Variants in MTSS1 observed in about 807,000 individuals in gnomAD.
The protein encoded by MTSS1 is MTSS I-BAR domain containing 1.
In MTSS1, 18 loss-of-function variants were observed where a neutral mutation model predicts 79.0. That is an observed-to-expected ratio of 0.23 (90% CI 0.16 to 0.34). MTSS1 has a LOEUF of 0.34. Among genes scored for constraint, MTSS1 ranks in the 10% least tolerant of loss-of-function variants. MTSS1 has a pLI of 1.00. For synonymous variants in MTSS1, 341 were observed against 368.6 expected (o/e 0.93, Z 0.86); for missense variants, 815 against 986.2 (o/e 0.83, Z 2.33).
intron 3 of MTSS1, among the ~76,000 whole-genome samples, chr8:124,662,072 A>G (rs141823767): frequency 0.023 from 3,536 of 152,270 alleles, 55 homozygotes; most frequent in South Asian, 0.072. Context: ...CTTTAGCCTG[A>G]AAGTTAATGG....
chr8:124,561,529 C>T (rs3763542), intron 10 of MTSS1, among the ~76,000 whole-genome samples: 59,364 of 152,048 alleles, frequency 0.39, 11,980 homozygotes, highest in Middle Eastern at 0.45. Context: ...TGCTTCCCTC[C>T]ATGCCATGGG....
intron 3 of MTSS1, among the ~76,000 whole-genome samples, chr8:124,650,276 G>A (rs1819717459): frequency 2.0e-5 from 3 of 152,116 alleles, no homozygotes; most frequent in Non-Finnish European, 4.4e-5. Flanking sequence ...TGATCTGCTT[G>A]CCTCGGCCTC....
chr8:124,701,255 A>G (rs1829657478), intron 2 of MTSS1, among the ~76,000 whole-genome samples: 1 of 152,182 alleles, frequency 6.6e-6, no homozygotes, highest in Non-Finnish European at 1.5e-5. Flanking sequence ...AGAGAAAAGA[A>G]AAAAGAAAGA....
At position 124,645,620 on chromosome 8, in the gene MTSS1, C is replaced by CT. The variant is rs147500690; in HGVS notation, c.208+53905dup. Among the ~76,000 whole-genome samples, 1,296 of 152,204 alleles carry CT rather than the reference C, an allele frequency of 8.5e-3. 18 individuals are homozygous for CT. The highest frequency in any genetic ancestry group is 0.03 in the African/African-American group (1,243 of 41,534). On this transcript the variant is annotated intron_variant, in intron 3 of 13. Coordinates refer to ENST00000518547, the MANE Select transcript of MTSS1 (RefSeq NM_014751.6). ...GCACACCAGTTTACCAAGCTTTTCT[C>CT]TTTTTTCTGTTCTTTGAACTACTGT... is the stretch of plus-strand genomic sequence containing the variant.
chr8:124,648,712 C>CCCCG (rs1228321491), intron 3 of MTSS1, among the ~76,000 whole-genome samples: 2 of 151,326 alleles, frequency 1.3e-5, no homozygotes, highest in Non-Finnish European at 2.9e-5. Flanking sequence ...AATAGCAGCC[C>CCCCG]CCCCCCAGAT....
chr8:124,700,730 C>T (rs746614503), intron 2 of MTSS1, among the ~76,000 whole-genome samples: 15 of 152,128 alleles, frequency 9.9e-5, no homozygotes, highest in Non-Finnish European at 2.1e-4. Context: ...CATCATTCAG[C>T]GTAGTCAACA....
At chr8:124,606,306 G>A (rs930504186) in intron 3 of MTSS1, among the ~76,000 whole-genome samples, 6 of 150,866 alleles carry the variant, frequency 4.0e-5, no homozygotes, top group Non-Finnish European at 5.9e-5. Context: ...CCACAACTAC[G>A]CCCAGCTAAT....
At chr8:124,666,078 C>A (rs1259786253) in intron 3 of MTSS1, among the ~76,000 whole-genome samples, 3 of 152,200 alleles carry the variant, frequency 2.0e-5, no homozygotes, top group African/African-American at 7.2e-5. Flanking sequence ...CTCATTAGCA[C>A]CCAGCACACA....
rs191225960 is a variant in MTSS1, at chr8:124,551,121, A to G, written c.*1871T>C. On this transcript the variant is annotated 3_prime_UTR_variant, in exon 14 of 14. Transcript: ENST00000518547. ...AAAAACTAAACAAGTGAAAAGCTGT[A>G]CCAAGGTACAGTTACATCCATTTAT... 2.9e-3 allele frequency: 444 copies of G among 152,748 alleles called. 2 individuals are homozygous for G. Among genetic ancestry groups the G allele is most frequent in the Non-Finnish European group, 3.1e-3 (213 of 68,038 alleles). 9.5% of individuals were successfully genotyped at this position (152,748 alleles called of 1,614,324 possible).
intron 6 of MTSS1, among the ~76,000 whole-genome samples, chr8:124,577,353 G>A (rs144878620): frequency 1.3e-5 from 2 of 152,296 alleles, no homozygotes; most frequent in African/African-American, 2.4e-5. Context: ...AGGTTTAAGC[G>A]ATTCTTCTGC....
At chr8:124,712,458 C>G (rs888069474) in intron 1 of MTSS1, among the ~76,000 whole-genome samples, 5 of 152,180 alleles carry the variant, frequency 3.3e-5, no homozygotes, top group African/African-American at 7.2e-5. Flanking sequence ...AAGCATGAGG[C>G]AAGAATCCGC....
At chr8:124,557,013 C>T (rs984111190) in intron 11 of MTSS1, among the ~76,000 whole-genome samples, 2 of 152,224 alleles carry the variant, frequency 1.3e-5, no homozygotes, top group African/African-American at 2.4e-5. Context: ...AGCCAAGGGG[C>T]CTACTTTTCA....
At chr8:124,654,822 G>A (rs982415315) in intron 3 of MTSS1, among the ~76,000 whole-genome samples, 1 of 152,096 alleles carries the variant, frequency 6.6e-6, no homozygotes, top group African/African-American at 2.4e-5. Context: ...TTCCTCATCA[G>A]CCCTATGAAG....
At position 124,585,131 on chromosome 8, in the gene MTSS1, T is replaced by C. The variant is rs150837311; in HGVS notation, c.416A>G (p.Lys139Arg). 2.3e-5 allele frequency: 37 copies of C among 1,613,502 alleles called. No individual in the cohort carries two copies. Among genetic ancestry groups the C allele is most frequent in the Non-Finnish European group, 3.1e-5 (36 of 1,179,836 alleles). ...CAGTTTCAGCGTATCCGAGGACTTC[T>C]TTTTTATCTCTTGGCGGGCTTTCTT... ...EYKKARQEIK[K>R]KSSDTLKLQK... The change falls in exon 6 of 14, where the codon AAG becomes AGG. Residue 139 changes from lysine to arginine, a missense_variant. By Grantham distance (26) the Lys-to-Arg change is conservative. Transcript: ENST00000518547.
At chr8:124,686,587 C>T (rs374725039) in intron 3 of MTSS1, among the ~76,000 whole-genome samples, 25 of 152,110 alleles carry the variant, frequency 1.6e-4, no homozygotes, top group African/African-American at 5.8e-4. Flanking sequence ...GCCAGAGTTC[C>T]GTTAAATTGC....
chr8:124,676,706 G>A (rs377627335), intron 3 of MTSS1, among the ~76,000 whole-genome samples: 8 of 152,268 alleles, frequency 5.3e-5, no homozygotes, highest in African/African-American at 1.9e-4. Flanking sequence ...AAAGGTCTCC[G>A]TTCCCTTGAA....
chr8:124,553,049 C>T lies in MTSS1; in HGVS notation c.2211G>A (p.Arg737=). 1 of 1,614,124 alleles carries T rather than the reference C, an allele frequency of 6.2e-7. No homozygotes were observed. Among genetic ancestry groups the T allele is most frequent in the Non-Finnish European group, 8.5e-7 (1 of 1,180,016 alleles). Residue 737 remains arginine, a synonymous_variant, in exon 14 of 14, where the codon AGG becomes AGA. Transcript: ENST00000518547. The surrounding 1 kb of genome is among the most constrained non-coding windows in gnomAD (Gnocchi z 6.0). ...TCGTGGTCTTCTTCAGTTTCACGCC[C>T]CTTCGGATGGCGTTCAGCATGTCTT... is the stretch of plus-strand genomic sequence containing the variant. ...QGEDMLNAIR[R]GVKLKKTTTN... is the part of the protein sequence containing the mutation.
intron 3 of MTSS1, among the ~76,000 whole-genome samples, chr8:124,632,151 T>C (rs10105407): frequency 0.23 from 34,781 of 150,944 alleles, 5,331 homozygotes; most frequent in African/African-American, 0.44. Flanking sequence ...TGGTGGTGCA[T>C]GCCTGTAGTC....
At chr8:124,709,860 C>T (rs1267590095) in intron 1 of MTSS1, among the ~76,000 whole-genome samples, 3 of 152,208 alleles carry the variant, frequency 2.0e-5, no homozygotes, top group African/African-American at 7.2e-5. Flanking sequence ...TCAGCTGTCA[C>T]TACCCAGCTG....
Sources: allele counts gnomAD v4.1 joint callset (sites outside exome capture counted in the v4.1 genomes callset), GRCh38; gene constraint gnomAD v4.1.1; non-coding constraint Gnocchi (gnomAD v3.1); transcripts MANE v1.5; gene names NCBI Gene and HGNC (gene_info 2026-07-23, HGNC 2026-07-21).